The following SLC9A1 variants were observed in gnomAD, a reference collection of about 807,000 sequenced individuals.
SLC9A1 encodes solute carrier family 9 member A1, also known as sodium/hydrogen exchanger 1.
In SLC9A1, 22 loss-of-function variants were observed where a neutral mutation model predicts 67.9. The ratio of observed to expected loss-of-function variants is 0.32; its 90% CI spans 0.23 to 0.46. The LOEUF (loss-of-function observed/expected upper bound fraction) is 0.46, where lower values mean the gene tolerates loss of function less well. SLC9A1 is among the 20% of genes least tolerant of loss of function. The pLI, the probability that SLC9A1 is intolerant of heterozygous loss-of-function variation, is 1.00. For synonymous variants in SLC9A1, 421 were observed against 471.8 expected, an observed-to-expected ratio of 0.89 and a Z score of 1.40; for missense variants, 686 against 1,094.8, an observed-to-expected ratio of 0.63 and a Z score of 5.27.
At chr1:27,103,394 C>A in intron 5 of SLC9A1, 82 bp from the exon 6 acceptor site, 1 of 971,336 alleles carries the variant, frequency 1.0e-6, no homozygotes, top group Non-Finnish European at 1.7e-6. Context: ...TCACCCCAGG[C>A]CCCCAAGGCT....
chr1:27,103,650 A>T (rs1335646406), intron 5 of SLC9A1: 1 of 331,330 alleles, frequency 3.0e-6, no homozygotes, highest in East Asian at 5.9e-5. Flanking sequence ...GGCCCCACAC[A>T]CAGGGAAAAC....
At chr1:27,108,224 C>T (rs2083203473) in intron 3 of SLC9A1, among the ~76,000 whole-genome samples, 1 of 151,622 alleles carries the variant, frequency 6.6e-6, no homozygotes, top group Non-Finnish European at 1.5e-5. Context: ...CGCCACCACG[C>T]CTGGCTAATT....
At position 27,114,390 on chromosome 1, in the gene SLC9A1, C is replaced by A; in HGVS notation, c.353-104G>T. 1 of 861,994 alleles carries A rather than the reference C, an allele frequency of 1.2e-6. No homozygotes were observed. The highest frequency in any genetic ancestry group is 1.7e-5 in the South Asian group (1 of 58,386). 53.4% of individuals were successfully genotyped at this position (861,994 alleles called of 1,614,324 possible). On this transcript the variant is annotated intron_variant, in intron 1 of 11. Transcript: ENST00000263980. The surrounding 1 kb of genome is among the most constrained non-coding windows in gnomAD (Gnocchi z 5.4). ...TGAGGAGCGCAGTTGGTGAGAGGTGCACAGGCTGGGTCTCAGAGGGCTGCT... is the reference window on the plus strand; with the variant it reads ...TGAGGAGCGCAGTTGGTGAGAGGTGAACAGGCTGGGTCTCAGAGGGCTGCT...
intron 5 of SLC9A1, among the ~76,000 whole-genome samples, chr1:27,105,076 G>C (rs537798544): frequency 6.6e-6 from 1 of 152,292 alleles, no homozygotes; most frequent in East Asian, 1.9e-4. Context: ...GAAGAGTGGG[G>C]GTCTTTCTTA....
chr1:27,133,014 A>C (rs2083396508), intron 1 of SLC9A1, among the ~76,000 whole-genome samples: 1 of 151,558 alleles, frequency 6.6e-6, no homozygotes, highest in South Asian at 2.1e-4. Context: ...CCTGGGAGGG[A>C]GCAGGGTGGG....
intron 5 of SLC9A1, chr1:27,105,546 C>G: frequency 3.2e-6 from 2 of 615,892 alleles, no homozygotes; most frequent in Non-Finnish European, 5.9e-6. Context: ...GATCCACCCC[C>G]TCAGCCTCCC....
At position 27,100,715 on chromosome 1, in the gene SLC9A1, C is replaced by A; in HGVS notation, c.2111-71G>T. ...CGGCCCAGCACGTGCCACTCGGCCGCGTCAGTGCCTCCTTCAGGCCTTCTC... is the reference window on the plus strand; with the variant it reads ...CGGCCCAGCACGTGCCACTCGGCCGAGTCAGTGCCTCCTTCAGGCCTTCTC... On this transcript the variant is annotated intron_variant, in intron 11 of 11. Transcript: ENST00000263980. This position sits in a 1 kb window ranked among gnomAD's most constrained non-coding sequence, Gnocchi z 5.6. 7.9e-7 allele frequency: 1 copy of A among 1,273,594 alleles called. No homozygotes were observed. Among genetic ancestry groups the A allele is most frequent in the South Asian group, 1.4e-5 (1 of 72,602 alleles). The allele number at this position is 1,273,594 out of a possible 1,614,324, so 78.9% of individuals were successfully genotyped here. A position where few individuals can be genotyped will look rare whatever the true frequency, so the allele number is the denominator to read the frequency against.
At chr1:27,129,064 G>A (rs931787144) in intron 1 of SLC9A1, among the ~76,000 whole-genome samples, 3 of 152,204 alleles carry the variant, frequency 2.0e-5, no homozygotes, top group African/African-American at 7.2e-5. Context: ...GGGTCCCAGA[G>A]GCAAGCTGGC....
chr1:27,141,535 C>T (rs2083453006), intron 1 of SLC9A1, among the ~76,000 whole-genome samples: 1 of 152,238 alleles, frequency 6.6e-6, no homozygotes, highest in Admixed American at 6.5e-5. Context: ...GAAATTCTCT[C>T]TCCCACCTCT....
chr1:27,139,420 A>G (rs2083439673), intron 1 of SLC9A1, among the ~76,000 whole-genome samples: 1 of 152,328 alleles, frequency 6.6e-6, no homozygotes, highest in South Asian at 2.1e-4. Context: ...CTGTAAGCTA[A>G]ATAAAGCTAG....
At chr1:27,122,747 C>A (rs144342011) in intron 1 of SLC9A1, among the ~76,000 whole-genome samples, 1 of 152,220 alleles carries the variant, frequency 6.6e-6, no homozygotes, top group Non-Finnish European at 1.5e-5. Flanking sequence ...CCAAGCTCTG[C>A]ATAAACATTT....
intron 8 of SLC9A1, 75 bp downstream of exon 8, chr1:27,102,310 C>CA (rs1263911625): frequency 6.7e-7 from 1 of 1,500,528 alleles, no homozygotes; most frequent in African/African-American, 1.4e-5. Flanking sequence ...CCCCGCCCCC[C>CA]AGGTGGCCAC....
chr1:27,099,372 T>A lies in SLC9A1; in HGVS notation c.*935A>T, dbSNP rs2124120808. The A allele has an allele frequency of 6.5e-6, 1 of 152,824 alleles. No homozygotes were observed. Among genetic ancestry groups the A allele is most frequent in the South Asian group, 2.1e-4 (1 of 4,834 alleles). The allele number at this position is 152,824 out of a possible 1,614,324, so 9.5% of individuals were successfully genotyped here. On this transcript the variant is annotated 3_prime_UTR_variant, in exon 12 of 12. Coordinates refer to ENST00000263980, the MANE Select transcript of SLC9A1 (RefSeq NM_003047.5). ...GTGGGAGTTACTTCTGATGTCACAG[T>A]CTTCGAGCAACAGTTAAGAGCCCAG...
At chr1:27,132,439 C>A (rs758671083) in intron 1 of SLC9A1, among the ~76,000 whole-genome samples, 2 of 152,098 alleles carry the variant, frequency 1.3e-5, no homozygotes, top group East Asian at 3.9e-4. Flanking sequence ...TTTGCCCTGA[C>A]TCCCTAGGAT....
chr1:27,123,228 A>G (rs953331754), intron 1 of SLC9A1, among the ~76,000 whole-genome samples: 1 of 152,222 alleles, frequency 6.6e-6, no homozygotes, highest in Non-Finnish European at 1.5e-5. Context: ...GTGTTTAAGT[A>G]TAAGGAAAAT....
intron 1 of SLC9A1, among the ~76,000 whole-genome samples, chr1:27,130,418 C>G (rs2083377066): frequency 6.6e-6 from 1 of 152,144 alleles, no homozygotes; most frequent in Non-Finnish European, 1.5e-5. Context: ...GCTGGTCTTT[C>G]TAAGATCCCT....
At chr1:27,105,014 G>C (rs569553820) in intron 5 of SLC9A1, among the ~76,000 whole-genome samples, 1 of 152,218 alleles carries the variant, frequency 6.6e-6, no homozygotes, top group East Asian at 1.9e-4. Context: ...AGGATTCTTG[G>C]GAATCATCTC....
intron 3 of SLC9A1, among the ~76,000 whole-genome samples, chr1:27,108,673 T>TA (rs1397455412): frequency 1.3e-5 from 2 of 151,630 alleles, no homozygotes; most frequent in Admixed American, 6.6e-5. Context: ...CCGTCTCAAA[T>TA]AAAAAAATGA....
chr1:27,130,305 T>C (rs1011807568), intron 1 of SLC9A1, among the ~76,000 whole-genome samples: 10 of 152,350 alleles, frequency 6.6e-5, no homozygotes, highest in African/African-American at 2.2e-4. Context: ...GGTTTCACTA[T>C]GTCGGCCAGA....
Sources: gnomAD v4.1 joint callset for allele counts (sites outside exome capture counted in the v4.1 genomes callset) on GRCh38, gnomAD v4.1.1 for gene constraint, Gnocchi (gnomAD v3.1) non-coding constraint, MANE v1.5 for transcripts, NCBI Gene and HGNC (gene_info 2026-07-23, HGNC 2026-07-21) for gene names.